SEMA6D: variants seen among roughly 807,000 people sequenced by gnomAD.
SEMA6D encodes semaphorin 6D.
SEMA6D carries 35 observed loss-of-function variants against 106.6 expected under a neutral mutation model. The observed-to-expected ratio is 0.33, with a 90% CI of 0.25 to 0.44. The LOEUF (loss-of-function observed/expected upper bound fraction) is 0.44. Ranked by LOEUF, SEMA6D falls within the 20% of genes least tolerant of loss-of-function variation. The pLI is 1.00. For missense variants in SEMA6D, 1,185 were observed against 1,345.9 expected, an observed-to-expected ratio of 0.88 and a Z score of 1.87; for synonymous variants, 499 against 487.7, an observed-to-expected ratio of 1.02 and a Z score of -0.31.
At chr15:47,450,459 G>T (rs1322662541) in intron 2 of SEMA6D, among the ~76,000 whole-genome samples, 1 of 152,066 alleles carries the variant, frequency 6.6e-6, no homozygotes, top group East Asian at 1.9e-4. Flanking sequence ...AAGCAGAGTT[G>T]TGTGTCCCTA....
intron 3 of SEMA6D, among the ~76,000 whole-genome samples, chr15:47,494,782 A>ATG (rs2043594612): frequency 1.0e-5 from 1 of 99,458 alleles, no homozygotes; most frequent in Non-Finnish European, 1.9e-5. Flanking sequence ...ATATATATAT[A>ATG]TATATATAAT....
rs144979249 is a variant in SEMA6D at position 47,573,903 on chromosome 15, C to A, written c.-86-26962C>A. Among the ~76,000 whole-genome samples the A allele has an allele frequency of 2.1e-3, 326 of 152,344 alleles. 1 individual carries two copies. Among genetic ancestry groups the A allele is most frequent in the African/African-American group, 7.7e-3 (320 of 41,578 alleles). ...ATACATCTGATTTCAACATATCCCT[C>A]ATTTCTGATGCCATCTGTAAGTCAA... On this transcript the variant is annotated intron_variant, in intron 3 of 19. Transcript: ENST00000558014.
chr15:47,205,310 G>A (rs1307109938), intron 1 of SEMA6D, among the ~76,000 whole-genome samples: 1 of 152,074 alleles, frequency 6.6e-6, no homozygotes, highest in East Asian at 1.9e-4. Context: ...TTCCACATGT[G>A]TCCTTCTATA....
chr15:47,381,950 T>G (rs550949416), intron 1 of SEMA6D, among the ~76,000 whole-genome samples: 2 of 152,218 alleles, frequency 1.3e-5, no homozygotes, highest in Admixed American at 6.5e-5. Context: ...TTAGTCTGAG[T>G]CAGAGTCTGT....
chr15:47,473,695 A>G (rs1367224096), intron 3 of SEMA6D, among the ~76,000 whole-genome samples: 1 of 152,206 alleles, frequency 6.6e-6, no homozygotes, highest in Middle Eastern at 3.2e-3. Flanking sequence ...AACGGATTTC[A>G]GAGACACGTC....
At chr15:47,250,084 A>T (rs2033425830) in intron 1 of SEMA6D, among the ~76,000 whole-genome samples, 1 of 152,246 alleles carries the variant, frequency 6.6e-6, no homozygotes, top group African/African-American at 2.4e-5. Context: ...GTGGTCTACA[A>T]GGATCATTTC....
At chr15:47,207,999 A>G (rs1236539968) in intron 1 of SEMA6D, among the ~76,000 whole-genome samples, 234 of 22,242 alleles carry the variant, frequency 0.011, 2 homozygotes, top group East Asian at 0.055. Context: ...GCGCGCACAC[A>G]CACACACACA....
chr15:47,665,925 T>C (rs1253563381), intron 4 of SEMA6D, among the ~76,000 whole-genome samples: 1 of 152,248 alleles, frequency 6.6e-6, no homozygotes. Context: ...CTCAGGAGGC[T>C]GCATTTGGCA....
intron 2 of SEMA6D, among the ~76,000 whole-genome samples, chr15:47,422,719 A>G (rs1475779585): frequency 6.6e-6 from 1 of 152,094 alleles, no homozygotes; most frequent in Admixed American, 6.6e-5. Context: ...GCTTCCACAT[A>G]ATCATACCTG....
intron 3 of SEMA6D, among the ~76,000 whole-genome samples, chr15:47,594,879 C>G (rs2076506363): frequency 6.6e-6 from 1 of 152,120 alleles, no homozygotes; most frequent in Non-Finnish European, 1.5e-5. Context: ...AGAATGGTGT[C>G]TGAGGGCATG....
intron 3 of SEMA6D, among the ~76,000 whole-genome samples, chr15:47,519,152 G>GTATAGTGTATACACTATAAAATGTATT (rs2044488381): frequency 6.6e-6 from 1 of 152,014 alleles, no homozygotes; most frequent in African/African-American, 2.4e-5. Flanking sequence ...AAAATAAAAT[G>GTATAGTGTATACACTATAAAATGTATT]TATAGTGTAA....
At chr15:47,245,913 G>A (rs1474710849) in intron 1 of SEMA6D, among the ~76,000 whole-genome samples, 1 of 152,054 alleles carries the variant, frequency 6.6e-6, no homozygotes, top group Non-Finnish European at 1.5e-5. Context: ...AGGACACAGG[G>A]ACATCACAGA....
At chr15:47,531,092 C>T (rs1193682627) in intron 3 of SEMA6D, among the ~76,000 whole-genome samples, 1 of 151,964 alleles carries the variant, frequency 6.6e-6, no homozygotes, top group Non-Finnish European at 1.5e-5. Flanking sequence ...ATCCAATTTG[C>T]CTTTAATGTA....
chr15:47,336,475 A>G (rs534764811), intron 1 of SEMA6D, among the ~76,000 whole-genome samples: 4 of 152,212 alleles, frequency 2.6e-5, no homozygotes, highest in Non-Finnish European at 4.4e-5. Flanking sequence ...CCCAGCAACA[A>G]CTACTGGGAC....
intron 1 of SEMA6D, among the ~76,000 whole-genome samples, chr15:47,239,376 A>T (rs2032761538): frequency 1.3e-5 from 2 of 152,204 alleles, no homozygotes; most frequent in South Asian, 4.1e-4. Context: ...CAGTAAATGT[A>T]ATGCACTTGA....
intron 3 of SEMA6D, among the ~76,000 whole-genome samples, chr15:47,579,435 C>T (rs971065814): frequency 6.6e-6 from 1 of 152,104 alleles, no homozygotes; most frequent in Non-Finnish European, 1.5e-5. Context: ...AGCCACCACG[C>T]CCAGCCAGAA....
At chr15:47,211,251 C>T (rs1595747089) in intron 1 of SEMA6D, among the ~76,000 whole-genome samples, 1 of 152,046 alleles carries the variant, frequency 6.6e-6, no homozygotes, top group African/African-American at 2.4e-5. Flanking sequence ...CACTTGTATA[C>T]CTGGCCATTT....
intron 4 of SEMA6D, among the ~76,000 whole-genome samples, chr15:47,640,274 ACCATCTGCAGGGAAAG>A (rs2077465064): frequency 6.6e-6 from 1 of 152,198 alleles, no homozygotes; most frequent in African/African-American, 2.4e-5. Flanking sequence ...GAGTCCTCGC[ACCATCTGCAGGGAAAG>A]CCCTGCAGAT....
intron 9 of SEMA6D, among the ~76,000 whole-genome samples, chr15:47,763,392 A>G (rs1198681737): frequency 6.6e-6 from 1 of 151,898 alleles, no homozygotes; most frequent in African/African-American, 2.4e-5. Flanking sequence ...TGCTTTTTTT[A>G]CTCTTTAGAA....
Sources: allele counts gnomAD v4.1 joint callset (sites outside exome capture counted in the v4.1 genomes callset), GRCh38; gene constraint gnomAD v4.1.1; transcripts MANE v1.5; gene names NCBI Gene and HGNC (gene_info 2026-07-23, HGNC 2026-07-21).